Variants in BDKRB2 observed in about 807,000 individuals in gnomAD.
The protein encoded by BDKRB2 is bradykinin receptor B2, also known as B2 bradykinin receptor.
Under a neutral mutation model 4.0 loss-of-function variants are expected in BDKRB2, and 6 were observed. The observed-to-expected ratio is 1.49, with a 90% confidence interval of 0.81 to 2.93. The LOEUF is 2.93. Ranked by LOEUF, BDKRB2 falls within the 30% of genes most tolerant of loss-of-function variation. The probability of loss-of-function intolerance (pLI) is 0.00; values close to 1 mark genes in which losing one functional copy is unlikely to be tolerated. For synonymous variants in BDKRB2, 225 were observed against 215.3 expected, an observed-to-expected ratio of 1.05 and a Z score of -0.40; for missense variants, 478 against 520.1, an observed-to-expected ratio of 0.92 and a Z score of 0.79.
At position 96,223,100 on chromosome 14, in the gene BDKRB2, G is replaced by A. The variant is rs1013404596; in HGVS notation, c.-39-13969G>A. The A allele has an allele frequency of 1.6e-5, 19 of 1,202,864 alleles. 1 individual carries two copies. The highest frequency in any genetic ancestry group is 2.7e-4 in the Middle Eastern group (1 of 3,682). The allele number at this position is 1,202,864 out of a possible 1,614,324, so 74.5% of individuals were successfully genotyped here. On this transcript the variant is annotated intron_variant, in intron 1 of 2. Transcript: ENST00000554311. ...GCACAGGGCTGAAGGCTAGCAAACC[G>A]AGCGATCATGTCACACAAACAAATT...
chr14:96,213,702 G>T (rs575924771), intron 1 of BDKRB2, among the ~76,000 whole-genome samples: 2 of 152,208 alleles, frequency 1.3e-5, no homozygotes, highest in African/African-American at 4.8e-5. Flanking sequence ...TGGAGAGAAA[G>T]GGTAGGGGAG....
At chr14:96,224,184 G>A (rs1417890607) in intron 1 of BDKRB2, among the ~76,000 whole-genome samples, 1 of 152,190 alleles carries the variant, frequency 6.6e-6, no homozygotes, top group Admixed American at 6.5e-5. Flanking sequence ...AAGATTGGCT[G>A]CGAGTTGGTA....
In BDKRB2 at chr14:96,243,683, A is replaced by C. The variant is rs1176631041; in HGVS notation, c.*2179A>C. The C allele has an allele frequency of 6.6e-6, 1 of 152,668 alleles. No individual in the cohort carries two copies. Among genetic ancestry groups the C allele is most frequent in the Non-Finnish European group, 1.5e-5 (1 of 68,330 alleles). The allele number at this position is 152,668 out of a possible 1,614,324, so 9.5% of individuals were successfully genotyped here. ...TGAATTTTAAAGCAAAAGCGTCAAA[A>C]AAAAGATTCCCTCCTTACCCCCAAC... On this transcript the variant is annotated 3_prime_UTR_variant, in exon 3 of 3. Coordinates refer to ENST00000554311, the MANE Select transcript of BDKRB2 (RefSeq NM_001379692.1).
chr14:96,223,099 C>T lies in BDKRB2; in HGVS notation c.-39-13970C>T, dbSNP rs558060444. On this transcript the variant is annotated intron_variant, in intron 1 of 2. Transcript: ENST00000554311. ...GGCACAGGGCTGAAGGCTAGCAAAC[C>T]GAGCGATCATGTCACACAAACAAAT... The T allele has an allele frequency of 1.2e-3, 1,453 of 1,196,478 alleles. 5 individuals carry two copies. The highest frequency in any genetic ancestry group is 1.8e-3 in the South Asian group (139 of 78,798). The allele number at this position is 1,196,478 out of a possible 1,614,324, so 74.1% of individuals were successfully genotyped here.
In BDKRB2 at chr14:96,211,290, G is replaced by A. The variant is rs550396396; in HGVS notation, c.-40+6331G>A. On this transcript the variant is annotated intron_variant, in intron 1 of 2. Transcript: ENST00000554311. ...CTGACCACAGAGGGAGGCTCTCTGG[G>A]GTTCTCCCGGAGCCTCGGAGATTGC... Among the ~76,000 whole-genome samples, 463 of 152,316 alleles carry A rather than the reference G, an allele frequency of 3.0e-3. 4 individuals are homozygous for A. The highest frequency in any genetic ancestry group is 0.011 in the African/African-American group (447 of 41,564).
intron 1 of BDKRB2, among the ~76,000 whole-genome samples, chr14:96,225,077 G>A (rs980660893): frequency 3.3e-5 from 5 of 152,192 alleles, no homozygotes; most frequent in Non-Finnish European, 5.9e-5. Flanking sequence ...GCCGTTGGAT[G>A]CCAATGGGTG....
At chr14:96,208,072 T>G (rs753344532) in intron 1 of BDKRB2, among the ~76,000 whole-genome samples, 12 of 152,196 alleles carry the variant, frequency 7.9e-5, no homozygotes, top group Non-Finnish European at 1.3e-4. Context: ...CACTGAGCAA[T>G]GGGTCCACTT....
chr14:96,232,936 A>G (rs901137860), intron 1 of BDKRB2, among the ~76,000 whole-genome samples: 2 of 152,242 alleles, frequency 1.3e-5, no homozygotes, highest in Non-Finnish European at 2.9e-5. Context: ...AACAAAAAAC[A>G]GATGAACAAG....
chr14:96,206,572 T>G (rs1890184176), intron 1 of BDKRB2, among the ~76,000 whole-genome samples: 1 of 151,644 alleles, frequency 6.6e-6, no homozygotes, highest in Non-Finnish European at 1.5e-5. Context: ...GTCATCTCGG[T>G]TCTTGCCATT....
At chr14:96,209,943 C>CTCT (rs1184335455) in intron 1 of BDKRB2, among the ~76,000 whole-genome samples, 1 of 152,118 alleles carries the variant, frequency 6.6e-6, no homozygotes, top group Non-Finnish European at 1.5e-5. Context: ...TTGCAGGGAG[C>CTCT]TGAGATCACA....
Position 96,235,949 on chromosome 14 carries a change from G to GCC in BDKRB2, c.-39-1117_-39-1116dup, listed in dbSNP as rs559053104. Among the ~76,000 whole-genome samples the GCC allele has an allele frequency of 4.6e-5, 7 of 152,226 alleles. No individual in the cohort carries two copies. The East Asian group carries it at 9.7e-4, about 21-fold the overall frequency. ...CTGGAAGGGAAAGAGGGGGGATTAA[G>GCC]CCCCACCTCTAGCCATGGGACTGAG... On this transcript the variant is annotated intron_variant, in intron 1 of 2. Coordinates refer to ENST00000554311, the MANE Select transcript of BDKRB2 (RefSeq NM_001379692.1).
intron 1 of BDKRB2, among the ~76,000 whole-genome samples, chr14:96,225,163 A>G (rs1890664323): frequency 6.6e-6 from 1 of 152,096 alleles, no homozygotes; most frequent in South Asian, 2.1e-4. Flanking sequence ...TGGGGAGTTC[A>G]CTGCATCCCC....
intron 1 of BDKRB2, among the ~76,000 whole-genome samples, chr14:96,211,618 G>A (rs1378801019): frequency 6.6e-6 from 1 of 152,160 alleles, no homozygotes; most frequent in Non-Finnish European, 1.5e-5. Context: ...GCACATTGGG[G>A]AGATGGACTC....
At position 96,241,835 on chromosome 14, in the gene BDKRB2, G is replaced by A. The variant is rs147852196; in HGVS notation, c.*331G>A. ...AGAGGAGTGACTGAGCTTCCCTCCC[G>A]TGTGTTCTCCGTCCCTGCCCCAGCA... On this transcript the variant is annotated 3_prime_UTR_variant, in exon 3 of 3. Coordinates refer to ENST00000554311, the MANE Select transcript of BDKRB2 (RefSeq NM_001379692.1). 40 of 227,024 alleles carry A rather than the reference G, an allele frequency of 1.8e-4. No homozygotes were observed. The highest frequency in any genetic ancestry group is 1.5e-3 in the East Asian group (16 of 10,814). 14.1% of individuals were successfully genotyped at this position (227,024 alleles called of 1,614,324 possible).
At chr14:96,238,628 G>C (rs1006082667) in intron 2 of BDKRB2, 56 of 980,176 alleles carry the variant, frequency 5.7e-5, no homozygotes, top group Non-Finnish European at 6.7e-5. Context: ...CCAACATCTA[G>C]TGTCACTTTC....
intron 1 of BDKRB2, among the ~76,000 whole-genome samples, chr14:96,227,609 GCACA>G (rs1377174998): frequency 6.6e-6 from 1 of 151,520 alleles, no homozygotes; most frequent in African/African-American, 2.4e-5. Flanking sequence ...ACACATGCAT[GCACA>G]CACAAACACA....
intron 1 of BDKRB2, among the ~76,000 whole-genome samples, chr14:96,225,988 C>T (rs1004150604): frequency 5.3e-5 from 8 of 152,176 alleles, no homozygotes; most frequent in Non-Finnish European, 1.0e-4. Flanking sequence ...GGAGAAACAG[C>T]CTTCCTGGAC....
chr14:96,238,677 C>A, intron 2 of BDKRB2: 1 of 966,638 alleles, frequency 1.0e-6, no homozygotes, highest in Non-Finnish European at 1.2e-6. Flanking sequence ...TGTGCCTCTG[C>A]TCAGGCTGTT....
At chr14:96,220,144 T>G (rs142693600) in intron 1 of BDKRB2, among the ~76,000 whole-genome samples, 195 of 152,160 alleles carry the variant, frequency 1.3e-3, no homozygotes, top group Non-Finnish European at 1.9e-3. Flanking sequence ...AAGCGCACCC[T>G]TGTCCAGAAG....
Sources: allele counts gnomAD v4.1 joint callset (sites outside exome capture counted in the v4.1 genomes callset), GRCh38; gene constraint gnomAD v4.1.1; transcripts MANE v1.5; gene names NCBI Gene and HGNC (gene_info 2026-07-23, HGNC 2026-07-21).